The following VPS8 variants were observed in gnomAD, a reference collection of about 807,000 sequenced individuals.
The protein encoded by VPS8 is vacuolar protein sorting-associated protein 8 homolog.
A neutral mutation model predicts 216.4 loss-of-function variants in VPS8; 129 were observed. The ratio of observed to expected loss-of-function variants is 0.60; its 90% CI spans 0.52 to 0.69. VPS8 has a LOEUF of 0.69. VPS8 is among the 30% of genes least tolerant of loss of function. The pLI is 0.00. For synonymous variants in VPS8, 571 were observed against 565.4 expected, an observed-to-expected ratio of 1.01 and a Z score of -0.14; for missense variants, 1,531 against 1,683.5, an observed-to-expected ratio of 0.91 and a Z score of 1.59.
intron 46 of VPS8, among the ~76,000 whole-genome samples, chr3:185,028,062 T>TA (rs1757635089): frequency 6.6e-6 from 1 of 152,232 alleles, no homozygotes; most frequent in African/African-American, 2.4e-5. Flanking sequence ...CAAGTCTTAG[T>TA]GTTGGTGAAC....
At chr3:184,983,955 C>A (rs530098072) in intron 42 of VPS8, among the ~76,000 whole-genome samples, 12 of 151,218 alleles carry the variant, frequency 7.9e-5, no homozygotes, top group Non-Finnish European at 1.6e-4. Context: ...GAAGCCGAGG[C>A]GGGCGGATCA....
intron 42 of VPS8, among the ~76,000 whole-genome samples, chr3:184,989,839 G>A (rs985931102): frequency 7.2e-5 from 11 of 152,116 alleles, no homozygotes; most frequent in African/African-American, 2.2e-4. Flanking sequence ...TTGGGAGGCC[G>A]AGGCGGGCAG....
At position 184,894,904 on chromosome 3, in the gene VPS8, C is replaced by T. The variant is rs1293811069; in HGVS notation, c.1983C>T (p.Ile661=). 6.2e-7 allele frequency: 1 copy of T among 1,606,216 alleles called. No homozygotes were observed. The highest frequency in any genetic ancestry group is 2.2e-5 in the East Asian group (1 of 44,722). Residue 661 remains isoleucine (I), a synonymous_variant, in exon 23 of 48, where the codon ATC becomes ATT. Transcript: ENST00000625842. ...NVEALIVHMD[I]TSLDIQQVVL... Reference sequence around the variant, plus strand: ...AAGCGCTCATTGTACATATGGATATCACCAGCCTAGATATTCAGCAGGTGA... The same window carrying T: ...AAGCGCTCATTGTACATATGGATATTACCAGCCTAGATATTCAGCAGGTGA...
Position 184,894,529 on chromosome 3 carries a change from T to TATATATATAC in VPS8, c.1782-171_1782-170insTATATACATA, listed in dbSNP as rs1406437015. On this transcript the variant is annotated intron_variant, in intron 22 of 47. Transcript: ENST00000625842. ...ACACGTATATATATATATATATATA[T>TATATATATAC]ATACACACACACACAAAGTTTTTGC... 2.8e-5 allele frequency among the ~76,000 whole-genome samples: 4 copies of TATATATATAC among 144,072 alleles called. No homozygotes were observed. In the East Asian group the frequency reaches 7.8e-4, roughly 28 times the overall value. The allele number at this position is 144,072 out of a possible 152,430, so 94.5% of individuals were successfully genotyped here.
chr3:184,911,458 A>G (rs1736512904), intron 25 of VPS8, among the ~76,000 whole-genome samples: 1 of 152,236 alleles, frequency 6.6e-6, no homozygotes, highest in Non-Finnish European at 1.5e-5. Flanking sequence ...AGGACACACT[A>G]GGAGAAACAT....
chr3:185,007,122 T>C (rs1754370007), intron 45 of VPS8, among the ~76,000 whole-genome samples: 1 of 152,212 alleles, frequency 6.6e-6, no homozygotes, highest in Admixed American at 6.5e-5. Context: ...AATAAGCACT[T>C]TTAGTCTTCA....
intron 42 of VPS8, among the ~76,000 whole-genome samples, chr3:184,989,369 A>G (rs1751562241): frequency 6.6e-6 from 1 of 152,046 alleles, no homozygotes; most frequent in Admixed American, 6.5e-5. Context: ...TAATATGATC[A>G]TATGATTTTT....
At chr3:184,967,754 T>A (rs532040145) in intron 39 of VPS8, among the ~76,000 whole-genome samples, 1 of 151,820 alleles carries the variant, frequency 6.6e-6, no homozygotes, top group East Asian at 1.9e-4. Flanking sequence ...GGACAATTGC[T>A]TGAACCTGGG....
chr3:185,042,328 C>T lies in VPS8; in HGVS notation c.4057-6151C>T, dbSNP rs111275635. Among the ~76,000 whole-genome samples the T allele has an allele frequency of 5.0e-3, 762 of 152,306 alleles. 13 individuals carry two copies. The highest frequency in any genetic ancestry group is 0.035 in the Admixed American group (541 of 15,298). The stretch of plus-strand genomic sequence containing the variant: ...TTGAAGTTCTGCTAGGGCAGATCCC[C>T]GGAGTATCCCTTTCCCTAGTACATG... On this transcript the variant is annotated intron_variant, in intron 46 of 47. Coordinates refer to ENST00000625842, the MANE Select transcript of VPS8 (RefSeq NM_001009921.3).
chr3:184,928,003 A>G (rs1412710601), intron 31 of VPS8, among the ~76,000 whole-genome samples: 2 of 152,170 alleles, frequency 1.3e-5, no homozygotes, highest in East Asian at 1.9e-4. Context: ...CCCTTTGGCT[A>G]TTTTGAATAG....
intron 3 of VPS8, among the ~76,000 whole-genome samples, chr3:184,826,471 G>A (rs1434228965): frequency 6.6e-6 from 1 of 152,150 alleles, no homozygotes; most frequent in African/African-American, 2.4e-5. Flanking sequence ...TATGGCTAGG[G>A]GACAGCATAG....
intron 7 of VPS8, among the ~76,000 whole-genome samples, chr3:184,842,783 G>A (rs977435067): frequency 3.9e-5 from 6 of 152,114 alleles, no homozygotes; most frequent in Admixed American, 3.3e-4. Flanking sequence ...TAAGTTTCTT[G>A]AAGACTGATG....
At chr3:184,960,188 A>G (rs1209369520) in intron 37 of VPS8, among the ~76,000 whole-genome samples, 2 of 152,166 alleles carry the variant, frequency 1.3e-5, no homozygotes, top group African/African-American at 2.4e-5. Flanking sequence ...TTATGGCTGC[A>G]TTGTATTCCA....
At chr3:184,855,248 T>C (rs774609984) in intron 13 of VPS8, among the ~76,000 whole-genome samples, 27 of 152,206 alleles carry the variant, frequency 1.8e-4, no homozygotes, top group Non-Finnish European at 5.9e-5. Flanking sequence ...ATTCTATAAT[T>C]AACATTTACT....
chr3:184,872,624 A>G (rs1449344792), intron 21 of VPS8, among the ~76,000 whole-genome samples: 1 of 152,104 alleles, frequency 6.6e-6, no homozygotes. Flanking sequence ...TGAAGGAAAC[A>G]ATGGAGGGGA....
At chr3:184,978,542 A>G (rs564871524) in intron 40 of VPS8, among the ~76,000 whole-genome samples, 1 of 152,070 alleles carries the variant, frequency 6.6e-6, no homozygotes, top group East Asian at 1.9e-4. Context: ...CTGGGACTAT[A>G]GGCACACACC....
intron 25 of VPS8, among the ~76,000 whole-genome samples, chr3:184,905,457 T>G (rs1735319197): frequency 6.6e-6 from 1 of 152,208 alleles, no homozygotes; most frequent in African/African-American, 2.4e-5. Context: ...TCATTACTAA[T>G]TTTTGTAATT....
chr3:184,972,531 A>G lies in VPS8; in HGVS notation c.3420+779A>G, dbSNP rs556331130. Among the ~76,000 whole-genome samples, 65 of 152,318 alleles carry G rather than the reference A, an allele frequency of 4.3e-4. 1 individual carries two copies. Among genetic ancestry groups the G allele is most frequent in the Non-Finnish European group, 9.0e-4 (61 of 68,026 alleles). ...ACTAGAGTCACCTGGGGAGCTTTGA[A>G]CAATTCCAGTACTCAGGCTGCACCC... On this transcript the variant is annotated intron_variant, in intron 40 of 47. Coordinates refer to ENST00000625842, the MANE Select transcript of VPS8 (RefSeq NM_001009921.3).
chr3:184,974,872 T>C (rs184791883), intron 40 of VPS8, among the ~76,000 whole-genome samples: 1 of 152,266 alleles, frequency 6.6e-6, no homozygotes, highest in East Asian at 1.9e-4. Flanking sequence ...GCTACAAATA[T>C]GTGGATTTAT....
Sources: allele counts gnomAD v4.1 joint callset (sites outside exome capture counted in the v4.1 genomes callset), GRCh38; gene constraint gnomAD v4.1.1; transcripts MANE v1.5; gene names NCBI Gene and HGNC (gene_info 2026-07-23, HGNC 2026-07-21).